FNDC1: variants seen among roughly 807,000 people sequenced by gnomAD.
FNDC1 encodes the protein fibronectin type III domain-containing protein 1.
In FNDC1, 96 loss-of-function variants were observed where a neutral mutation model predicts 168.0. That is an observed-to-expected ratio of 0.57 (90% CI 0.48 to 0.68). FNDC1 has a LOEUF of 0.68. Among genes scored for constraint, FNDC1 ranks in the 30% least tolerant of loss-of-function variants. The probability of loss-of-function intolerance (pLI) is 0.00; values close to 1 mark genes in which losing one functional copy is unlikely to be tolerated. For synonymous variants in FNDC1, 1,099 were observed against 1,025.9 expected, an observed-to-expected ratio of 1.07 and a Z score of -1.36; for missense variants, 2,587 against 2,482.1, an observed-to-expected ratio of 1.04 and a Z score of -0.90.
At chr6:159,258,567 G>A (rs1008079925) in intron 18 of FNDC1, among the ~76,000 whole-genome samples, 1 of 152,154 alleles carries the variant, frequency 6.6e-6, no homozygotes. Flanking sequence ...GAGGAGAGGC[G>A]GGACAGACAG....
At chr6:159,198,832 G>A (rs1053694472) in intron 2 of FNDC1, among the ~76,000 whole-genome samples, 6 of 152,216 alleles carry the variant, frequency 3.9e-5, no homozygotes, top group Admixed American at 3.9e-4. Context: ...AAAGTGTCTG[G>A]CGAAGCATGA....
chr6:159,224,864 C>G (rs1397469323), intron 7 of FNDC1, among the ~76,000 whole-genome samples: 1 of 152,200 alleles, frequency 6.6e-6, no homozygotes, highest in Non-Finnish European at 1.5e-5. Flanking sequence ...GCATTTGCAG[C>G]TCTTAGAGTG....
intron 17 of FNDC1, 56 bp downstream of exon 17, chr6:159,251,588 A>G: frequency 2.7e-6 from 4 of 1,479,346 alleles, no homozygotes; most frequent in Middle Eastern, 1.7e-4. Flanking sequence ...AAATGTGGAC[A>G]ATAAAGAATG....
In FNDC1 at chr6:159,200,526, C is replaced by G; in HGVS notation, c.405C>G (p.Ile135Met). ...TCCCTAATTTAGGAGGTGAATGGAT[C>G]GAGATTGATGGTTTTCCCATTAAGG... ...RAESPPGGEW[I>M]EIDGFPIKGP... The change falls in exon 4 of 23, where the codon ATC (isoleucine) becomes ATG (methionine). Residue 135 changes from isoleucine to methionine, a missense_variant. Transcript: ENST00000297267. 2 of 1,599,246 alleles carry G rather than the reference C, an allele frequency of 1.3e-6. No individual in the cohort carries two copies. Among genetic ancestry groups the G allele is most frequent in the East Asian group, 2.2e-5 (1 of 44,580 alleles).
At chr6:159,266,337 A>G in intron 21 of FNDC1, 92 bp downstream of exon 21, 1 of 1,340,142 alleles carries the variant, frequency 7.5e-7, no homozygotes, top group Non-Finnish European at 1.1e-6. Context: ...CGGAATGTTT[A>G]TGAGGGCTGG....
Position 159,233,800 on chromosome 6 carries a change from C to G in FNDC1, c.3288C>G (p.His1096Gln), listed in dbSNP as rs377419969. 29 of 1,536,678 alleles carry G rather than the reference C, an allele frequency of 1.9e-5. No individual in the cohort carries two copies. Among genetic ancestry groups the G allele is most frequent in the African/African-American group, 1.2e-4 (9 of 72,584 alleles). ...CCCAGGATGTGCGGGCCCCCGCGCACGCCGCGCGCGCCAAGGAGGCAGCTG... is the reference window on the plus strand; with the variant it reads ...CCCAGGATGTGCGGGCCCCCGCGCAGGCCGCGCGCGCCAAGGAGGCAGCTG... ...VEAQDVRAPAHAARAKEAAAS... is the reference protein window; with the variant it reads ...VEAQDVRAPAQAARAKEAAAS... The change falls in exon 11 of 23, where the codon CAC becomes CAG. Residue 1096 changes from histidine to glutamine, a missense_variant. By Grantham distance (24) the His-to-Gln change is conservative. Transcript: ENST00000297267. This position sits in a 1 kb window ranked among gnomAD's most constrained non-coding sequence, Gnocchi z 4.6.
At chr6:159,200,421 A>G in intron 3 of FNDC1, 92 bp from the exon 4 acceptor site, 1 of 988,746 alleles carries the variant, frequency 1.0e-6, no homozygotes, top group South Asian at 1.6e-5. Context: ...ATGGTTGAAA[A>G]GATCATTTAA....
In FNDC1 at chr6:159,260,841, A is replaced by G. The variant is rs577210532; in HGVS notation, c.5175-349A>G. ...CAGAGTCTTAAACCTGAGCAAGAGC[A>G]GGGCTAGAGGAACGTCTCACCAGGG... On this transcript the variant is annotated intron_variant, in intron 18 of 22. Coordinates refer to ENST00000297267, the MANE Select transcript of FNDC1 (RefSeq NM_032532.3). Among the ~76,000 whole-genome samples the G allele has an allele frequency of 3.9e-5, 6 of 152,358 alleles. No homozygotes were observed. The East Asian group carries it at 9.7e-4, about 25-fold the overall frequency.
intron 15 of FNDC1, 58 bp from the exon 16 acceptor site, chr6:159,248,981 T>A: frequency 1.3e-6 from 2 of 1,525,584 alleles, no homozygotes; most frequent in Non-Finnish European, 1.8e-6. Flanking sequence ...ATCATTTGAC[T>A]ATAGACAGTG....
chr6:159,175,143 A>G (rs755254996), intron 1 of FNDC1, among the ~76,000 whole-genome samples: 3 of 152,232 alleles, frequency 2.0e-5, no homozygotes, highest in Non-Finnish European at 4.4e-5. Flanking sequence ...TCTATAAAGT[A>G]CAATCTACAT....
intron 15 of FNDC1, among the ~76,000 whole-genome samples, chr6:159,248,040 TG>T (rs1159126961): frequency 3.9e-5 from 6 of 152,258 alleles, no homozygotes; most frequent in Non-Finnish European, 8.8e-5. Context: ...TCACCTTTGA[TG>T]TGTTATTTAT....
At chr6:159,263,094 G>T (rs532665160) in intron 19 of FNDC1, among the ~76,000 whole-genome samples, 1 of 152,174 alleles carries the variant, frequency 6.6e-6, no homozygotes, top group Non-Finnish European at 1.5e-5. Context: ...GGGTTTTGTC[G>T]TCTGTGCTGG....
At chr6:159,179,851 A>G (rs1781843291) in intron 1 of FNDC1, among the ~76,000 whole-genome samples, 1 of 152,198 alleles carries the variant, frequency 6.6e-6, no homozygotes, top group Admixed American at 6.5e-5. Flanking sequence ...ATATACCTAA[A>G]TATATTTATG....
Position 159,232,438 on chromosome 6 carries a change from C to T in FNDC1, c.1926C>T (p.Asn642=). The change falls in exon 11 of 23, where the codon AAC becomes AAT. Residue 642 remains asparagine, a synonymous_variant. Coordinates refer to ENST00000297267, the MANE Select transcript of FNDC1 (RefSeq NM_032532.3). The surrounding 1 kb of genome is among the most constrained non-coding windows in gnomAD (Gnocchi z 4.9). The part of the protein sequence containing the change: ...RPSLPASLND[N]DLVDSDEDER... ...CCCTGCCTGCCAGCTTGAATGACAA[C>T]GACTTGGTGGACTCAGACGAAGATG... 2.5e-6 allele frequency: 4 copies of T among 1,611,824 alleles called. No homozygotes were observed. Among genetic ancestry groups the T allele is most frequent in the African/African-American group, 1.3e-5 (1 of 75,006 alleles).
intron 7 of FNDC1, among the ~76,000 whole-genome samples, chr6:159,224,045 T>A (rs764083566): frequency 6.6e-6 from 1 of 152,122 alleles, no homozygotes; most frequent in Non-Finnish European, 1.5e-5. Flanking sequence ...CCAGGAAGAG[T>A]CACTGTTAGA....
chr6:159,260,674 T>C (rs1562312278), intron 18 of FNDC1, among the ~76,000 whole-genome samples: 1 of 152,342 alleles, frequency 6.6e-6, no homozygotes, highest in East Asian at 1.9e-4. Context: ...CTGTCAACCA[T>C]AAGTTGCGTG....
chr6:159,249,928 T>C (rs1016361645), intron 16 of FNDC1, among the ~76,000 whole-genome samples: 1 of 152,242 alleles, frequency 6.6e-6, no homozygotes, highest in Non-Finnish European at 1.5e-5. Flanking sequence ...ATGTAGTGAC[T>C]GAGTGTCTAA....
intron 4 of FNDC1, among the ~76,000 whole-genome samples, chr6:159,201,204 G>A (rs1782371090): frequency 6.6e-6 from 1 of 152,236 alleles, no homozygotes; most frequent in African/African-American, 2.4e-5. Flanking sequence ...TTATTTCAGA[G>A]TGTGGTTGGG....
At chr6:159,254,241 C>T (rs749537742) in intron 17 of FNDC1, among the ~76,000 whole-genome samples, 1 of 152,152 alleles carries the variant, frequency 6.6e-6, no homozygotes, top group African/African-American at 2.4e-5. Flanking sequence ...TCCTTGCAGG[C>T]TTGTACAACA....
Sources: gnomAD v4.1 joint callset for allele counts (sites outside exome capture counted in the v4.1 genomes callset) on GRCh38, gnomAD v4.1.1 for gene constraint, Gnocchi (gnomAD v3.1) non-coding constraint, MANE v1.5 for transcripts, NCBI Gene and HGNC (gene_info 2026-07-23, HGNC 2026-07-21) for gene names.